Variants in SYTL2 observed in about 807,000 individuals in gnomAD.
The protein encoded by SYTL2 is synaptotagmin like 2, also known as synaptotagmin-like protein 2.
In SYTL2, 165 loss-of-function variants were observed where a neutral mutation model predicts 198.7. The observed-to-expected ratio is 0.83, with a 90% confidence interval of 0.73 to 0.94. The LOEUF (loss-of-function observed/expected upper bound fraction) is 0.94. Among genes scored for constraint, SYTL2 ranks in the 40% least tolerant of loss-of-function variants. SYTL2 has a pLI of 0.00. For missense variants in SYTL2, 2,835 were observed against 2,582.8 expected, an observed-to-expected ratio of 1.10 and a Z score of -2.12; for synonymous variants, 966 against 917.7, an observed-to-expected ratio of 1.05 and a Z score of -0.95.
Position 85,727,097 on chromosome 11 carries a change from G to C in SYTL2, c.2261C>G (p.Ser754Ter). 1 of 1,535,820 alleles carries C rather than the reference G, an allele frequency of 6.5e-7. No homozygotes were observed. The highest frequency in any genetic ancestry group is 8.7e-7 in the Non-Finnish European group (1 of 1,146,800). The change falls in exon 8 of 20, where the codon TCA becomes TGA. Residue 754 changes from serine (S) to a stop codon, truncating the protein, a stop_gained. Transcript: ENST00000359152. LOFTEE classifies it high-confidence loss of function. ...KASLEPENIK[S>*]TPGVANNGSP... The stretch of plus-strand genomic sequence containing the variant: ...GCCATTGTTGGCAACCCCAGGTGTT[G>C]ACTTAATATTCTCTGGCTCTAAGGA...
intron 1 of SYTL2, among the ~76,000 whole-genome samples, chr11:85,787,274 T>C (rs1045520091): frequency 6.6e-6 from 1 of 152,178 alleles, no homozygotes; most frequent in East Asian, 1.9e-4. Flanking sequence ...GAAGGAGACA[T>C]GGTGTTCATA....
upstream of SYTL2, among the ~76,000 whole-genome samples, chr11:85,814,635 G>T (rs946192850): frequency 3.3e-5 from 5 of 152,180 alleles, no homozygotes; most frequent in African/African-American, 1.2e-4. Flanking sequence ...ATGGTGGAAG[G>T]CTGGTGCTTT....
chr11:85,821,471 G>A, the SYTL2 span, among the ~76,000 whole-genome samples: 1 of 152,206 alleles, frequency 6.6e-6, no homozygotes, highest in Non-Finnish European at 1.5e-5. Context: ...AGCAAGCCGT[G>A]ATTGAGAGAC....
At chr11:85,765,566 T>G (rs751521021) in intron 1 of SYTL2, among the ~76,000 whole-genome samples, 5 of 152,176 alleles carry the variant, frequency 3.3e-5, no homozygotes, top group Non-Finnish European at 7.4e-5. Context: ...AACTGAAAAT[T>G]AAAAATGGAC....
rs533646027 is a variant in SYTL2, at chr11:85,704,277, C to T, written c.6189+581G>A. On this transcript the variant is annotated intron_variant, in intron 16 of 19. Transcript: ENST00000359152. ...GTAGATTTTAAGGCAATAAGCATTA[C>T]TAGAGATAAAAAGGGAATTTCAAAA... Among the ~76,000 whole-genome samples the T allele has an allele frequency of 2.0e-5, 3 of 151,952 alleles. No homozygotes were observed. The East Asian group carries it at 5.8e-4, about 29-fold the overall frequency.
intron 1 of SYTL2, among the ~76,000 whole-genome samples, chr11:85,778,119 G>A (rs1025386837): frequency 2.0e-5 from 3 of 151,832 alleles, no homozygotes; most frequent in East Asian, 1.9e-4. Context: ...ATGCCCGGCC[G>A]GTCTTCTTAC....
At position 85,726,839 on chromosome 11, in the gene SYTL2, T is replaced by C. The variant is rs1430140285; in HGVS notation, c.2519A>G (p.Asp840Gly). Residue 840 changes from aspartate (D) to glycine (G), a missense_variant, in exon 8 of 20, where the codon GAC becomes GGC. This residue lies in a region of SYTL2 where 2,645 missense variants were observed against 2,381.7 expected (regional missense o/e 1.11). Transcript: ENST00000359152. ...VKKSQGVSSM[D>G]SLSTDQSEYN... ...TTCACTCTGGTCTGTAGATAAACTG[T>C]CCATGGATGATACACCCTGTGACTT... 3 of 1,536,378 alleles carry C rather than the reference T, an allele frequency of 2.0e-6. No homozygotes were observed. The highest frequency in any genetic ancestry group is 1.2e-5 in the South Asian group (1 of 84,062).
chr11:85,805,249 G>C (rs941486107), intron 1 of SYTL2, among the ~76,000 whole-genome samples: 2 of 151,780 alleles, frequency 1.3e-5, no homozygotes, highest in African/African-American at 4.8e-5. Context: ...CCAGTGTTTT[G>C]GGTGGCCAAG....
At chr11:85,833,263 G>A in the SYTL2 span, among the ~76,000 whole-genome samples, 1 of 148,712 alleles carries the variant, frequency 6.7e-6, no homozygotes, top group Non-Finnish European at 1.5e-5. Context: ...ATCATTGCCA[G>A]ACTCCATTAT....
Position 85,696,174 on chromosome 11 carries a change from A to T in SYTL2, c.6574+9T>A, listed in dbSNP as rs944512360. The T allele has an allele frequency of 5.0e-6, 8 of 1,613,302 alleles. No homozygotes were observed. The highest frequency in any genetic ancestry group is 6.8e-6 in the Non-Finnish European group (8 of 1,179,452). ...GCTCATGGAGAATTAAAAATGTAGCAAACAGTACCTGTTCCAAAGCCAATA... is the reference window on the plus strand; with the variant it reads ...GCTCATGGAGAATTAAAAATGTAGCTAACAGTACCTGTTCCAAAGCCAATA... On this transcript the variant is annotated intron_variant, in intron 19 of 19. Transcript: ENST00000359152.
chr11:85,838,486 C>A, the SYTL2 span, among the ~76,000 whole-genome samples: 1 of 152,130 alleles, frequency 6.6e-6, no homozygotes, highest in African/African-American at 2.4e-5. Flanking sequence ...GCAGGCCTTA[C>A]AGGAATCATG....
At chr11:85,783,340 A>G (rs1336001250) in intron 1 of SYTL2, among the ~76,000 whole-genome samples, 1 of 152,122 alleles carries the variant, frequency 6.6e-6, no homozygotes, top group Non-Finnish European at 1.5e-5. Flanking sequence ...CATAGAGGTA[A>G]CCACCCCCAT....
intron 1 of SYTL2, among the ~76,000 whole-genome samples, chr11:85,765,295 G>A (rs909697102): frequency 1.3e-5 from 2 of 152,114 alleles, no homozygotes; most frequent in Admixed American, 6.6e-5. Context: ...GGAGTGCAAG[G>A]GCGTGATCTC....
chr11:85,787,694 TC>T (rs2092657841), intron 1 of SYTL2, among the ~76,000 whole-genome samples: 1 of 83,016 alleles, frequency 1.2e-5, no homozygotes, highest in African/African-American at 3.4e-5. Flanking sequence ...TGTTTTTTTT[TC>T]TTTTCCTTTT....
At chr11:85,730,945 C>T (rs142784806) in intron 7 of SYTL2, among the ~76,000 whole-genome samples, 1,970 of 151,708 alleles carry the variant, frequency 0.013, 43 homozygotes, top group African/African-American at 0.045. Flanking sequence ...TCCTATACAC[C>T]AATAATAAAG....
chr11:85,752,917 T>TA (rs1162431708), intron 2 of SYTL2, among the ~76,000 whole-genome samples: 3,581 of 17,692 alleles, frequency 0.2, 1,392 homozygotes, highest in Non-Finnish European at 0.31. Context: ...CTGCCTTCAT[T>TA]AAAAAAAAAA....
At chr11:85,708,272 G>T (rs1346041728) in intron 14 of SYTL2, 2 of 252,934 alleles carry the variant, frequency 7.9e-6, no homozygotes, top group African/African-American at 4.7e-5. Context: ...TTAAGTTTTT[G>T]TTACCGTCTT....
intron 7 of SYTL2, among the ~76,000 whole-genome samples, chr11:85,732,603 G>T (rs560064381): frequency 3.3e-5 from 5 of 152,156 alleles, no homozygotes; most frequent in African/African-American, 1.2e-4. Flanking sequence ...GGGTGGGCAG[G>T]GGGTGGGGAG....
At chr11:85,697,908 T>C (rs1480141138) in intron 18 of SYTL2, 71 bp downstream of exon 18, 53 of 920,654 alleles carry the variant, frequency 5.8e-5, no homozygotes, top group South Asian at 1.1e-4. Context: ...ATTACAGATA[T>C]AGAGAACCGA....
Sources: allele counts gnomAD v4.1 joint callset (sites outside exome capture counted in the v4.1 genomes callset), GRCh38; gene constraint gnomAD v4.1.1; regional missense constraint gnomAD v4.1.1; transcripts MANE v1.5; gene names NCBI Gene and HGNC (gene_info 2026-07-23, HGNC 2026-07-21).